The following LINGO2 variants were observed in gnomAD, a reference collection of about 807,000 sequenced individuals.
The protein encoded by LINGO2 is leucine rich repeat and Ig domain containing 2, also known as leucine-rich repeat and immunoglobulin-like domain-containing nogo receptor-interacting protein 2.
A neutral mutation model predicts 30.6 loss-of-function variants in LINGO2; 14 were observed. The observed-to-expected ratio is 0.46, with a 90% CI of 0.30 to 0.72. The LOEUF is 0.72. Among genes scored for constraint, LINGO2 ranks in the 30% least tolerant of loss-of-function variants. The pLI is 0.07. For synonymous variants in LINGO2, 317 were observed against 288.5 expected, an observed-to-expected ratio of 1.10 and a Z score of -1.00; for missense variants, 729 against 751.7, an observed-to-expected ratio of 0.97 and a Z score of 0.35.
intron 2 of LINGO2, among the ~76,000 whole-genome samples, chr9:28,458,110 C>G (rs953215834): frequency 1.3e-5 from 2 of 152,128 alleles, no homozygotes; most frequent in African/African-American, 4.8e-5. Flanking sequence ...ATTGGTGGGA[C>G]TACTTTAAAG....
intron 1 of LINGO2, among the ~76,000 whole-genome samples, chr9:28,548,104 T>A (rs1018038344): frequency 6.6e-6 from 1 of 152,096 alleles, no homozygotes; most frequent in African/African-American, 2.4e-5. Context: ...CCTAGAGATG[T>A]TAAGGAAACT....
At chr9:28,428,539 C>A (rs374388497) in intron 2 of LINGO2, among the ~76,000 whole-genome samples, 36 of 152,210 alleles carry the variant, frequency 2.4e-4, no homozygotes, top group East Asian at 1.7e-3. Flanking sequence ...TCAAAACAAC[C>A]AGACCTTAAC....
chr9:28,607,432 A>G (rs997945210), intron 1 of LINGO2, among the ~76,000 whole-genome samples: 3 of 152,160 alleles, frequency 2.0e-5, no homozygotes, highest in African/African-American at 7.2e-5. Flanking sequence ...TGTATTTCAC[A>G]AATGCTAAAA....
chr9:29,044,327 T>A, the LINGO2 span, among the ~76,000 whole-genome samples: 1 of 151,976 alleles, frequency 6.6e-6, no homozygotes, highest in African/African-American at 2.4e-5. Flanking sequence ...CCTCCTTTGT[T>A]CTAATTAATT....
At chr9:28,797,353 TATATATAGAGAGAGAGAGAGAGAG>T in the LINGO2 span, among the ~76,000 whole-genome samples, 5 of 60,998 alleles carry the variant, frequency 8.2e-5, no homozygotes. Flanking sequence ...TATATATATA[TATATATAGAGAGAGAGAGAGAGAG>T]AGAGAGAGAG....
At chr9:28,806,643 C>T in the LINGO2 span, among the ~76,000 whole-genome samples, 1 of 152,110 alleles carries the variant, frequency 6.6e-6, no homozygotes, top group African/African-American at 2.4e-5. Context: ...AGGTTTATAT[C>T]AGAAAACATA....
At chr9:28,693,328 T>C in the LINGO2 span, among the ~76,000 whole-genome samples, 10 of 152,240 alleles carry the variant, frequency 6.6e-5, no homozygotes, top group East Asian at 1.7e-3. Flanking sequence ...CCATCTCTCA[T>C]TTACTCTTAC....
chr9:28,391,723 A>AC (rs905025140), intron 2 of LINGO2, among the ~76,000 whole-genome samples: 12 of 151,746 alleles, frequency 7.9e-5, no homozygotes, highest in East Asian at 1.9e-4. Context: ...TTAAAGCCTG[A>AC]CCCCTCCTTA....
chr9:28,252,677 A>G (rs963798266), intron 4 of LINGO2, among the ~76,000 whole-genome samples: 6 of 151,994 alleles, frequency 3.9e-5, no homozygotes, highest in Admixed American at 6.6e-5. Flanking sequence ...AGTACAAAAT[A>G]TATAATAGTA....
chr9:28,538,436 A>T (rs191439122), intron 1 of LINGO2, among the ~76,000 whole-genome samples: 1 of 152,228 alleles, frequency 6.6e-6, no homozygotes. Flanking sequence ...AGTTAACACA[A>T]GTATTAAATC....
At chr9:28,747,992 G>A in the LINGO2 span, among the ~76,000 whole-genome samples, 7 of 152,058 alleles carry the variant, frequency 4.6e-5, no homozygotes, top group Admixed American at 2.6e-4. Flanking sequence ...TCATTGGCAG[G>A]TATCTGCATA....
the LINGO2 span, among the ~76,000 whole-genome samples, chr9:29,064,556 G>A: frequency 3.3e-5 from 5 of 151,942 alleles, 1 homozygote; most frequent in South Asian, 1.0e-3. Flanking sequence ...AAATATTTAA[G>A]ATAACACTCC....
At chr9:28,191,393 C>A (rs13287032) in intron 4 of LINGO2, among the ~76,000 whole-genome samples, 1 of 152,190 alleles carries the variant, frequency 6.6e-6, no homozygotes, top group Non-Finnish European at 1.5e-5. Context: ...AGCTGAGAGT[C>A]TAGATCCTAT....
At chr9:29,024,032 A>G in the LINGO2 span, among the ~76,000 whole-genome samples, 1 of 152,020 alleles carries the variant, frequency 6.6e-6, no homozygotes, top group Non-Finnish European at 1.5e-5. Flanking sequence ...CCTTCCACCC[A>G]CAACCAATAC....
intron 1 of LINGO2, among the ~76,000 whole-genome samples, chr9:28,652,825 T>TA (rs1469284286): frequency 6.6e-6 from 1 of 152,020 alleles, no homozygotes; most frequent in Non-Finnish European, 1.5e-5. Flanking sequence ...AATTTAGTTA[T>TA]AAAATCCTTA....
chr9:28,017,309 A>G (rs1822889052), intron 4 of LINGO2, among the ~76,000 whole-genome samples: 1 of 152,136 alleles, frequency 6.6e-6, no homozygotes, highest in Admixed American at 6.6e-5. Flanking sequence ...CACTACTCCT[A>G]TGCAACATAG....
intron 4 of LINGO2, among the ~76,000 whole-genome samples, chr9:28,190,012 C>T (rs1306939533): frequency 6.6e-6 from 1 of 152,056 alleles, no homozygotes; most frequent in Admixed American, 6.6e-5. Flanking sequence ...TTAACTGAGG[C>T]CTCTTAATCT....
intron 4 of LINGO2, among the ~76,000 whole-genome samples, chr9:28,026,200 C>G (rs555234482): frequency 6.6e-6 from 1 of 152,178 alleles, no homozygotes; most frequent in African/African-American, 2.4e-5. Context: ...GTTAAGTGTA[C>G]TCATGCCCTT....
the LINGO2 span, among the ~76,000 whole-genome samples, chr9:28,765,155 A>G: frequency 6.6e-6 from 1 of 152,096 alleles, no homozygotes; most frequent in Non-Finnish European, 1.5e-5. Context: ...CTTAAAATGC[A>G]TATAGAATCA....
Sources: gnomAD v4.1 joint callset for allele counts (sites outside exome capture counted in the v4.1 genomes callset) on GRCh38, gnomAD v4.1.1 for gene constraint, MANE v1.5 for transcripts, NCBI Gene and HGNC (gene_info 2026-07-23, HGNC 2026-07-21) for gene names.